The following KCNQ3 variants were observed in gnomAD, a reference collection of about 807,000 sequenced individuals.
KCNQ3 encodes potassium voltage-gated channel subfamily Q member 3.
KCNQ3 carries 30 observed loss-of-function variants against 92.5 expected under a neutral mutation model. The ratio of observed to expected loss-of-function variants is 0.32; its 90% CI spans 0.24 to 0.44. The LOEUF is 0.44. Among genes scored for constraint, KCNQ3 ranks in the 20% least tolerant of loss-of-function variants. KCNQ3 has a pLI of 1.00. For synonymous variants in KCNQ3, 450 were observed against 468.8 expected, an observed-to-expected ratio of 0.96 and a Z score of 0.52; for missense variants, 913 against 1,140.3, an observed-to-expected ratio of 0.80 and a Z score of 2.87.
chr8:132,246,649 C>T (rs747604676), intron 1 of KCNQ3, among the ~76,000 whole-genome samples: 4 of 152,112 alleles, frequency 2.6e-5, no homozygotes, highest in Non-Finnish European at 5.9e-5. Flanking sequence ...CATGGCACAC[C>T]GTTATATCAG....
chr8:132,355,177 C>A (rs1310090510), intron 1 of KCNQ3, among the ~76,000 whole-genome samples: 1 of 152,140 alleles, frequency 6.6e-6, no homozygotes, highest in Admixed American at 6.6e-5. Flanking sequence ...CTTTCCTTTA[C>A]CTTAATGCAG....
intron 1 of KCNQ3, among the ~76,000 whole-genome samples, chr8:132,476,084 G>A (rs1389460704): frequency 6.6e-6 from 1 of 152,244 alleles, no homozygotes; most frequent in Non-Finnish European, 1.5e-5. Context: ...AGCCTTGGTG[G>A]CTTCTGTGTG....
At chr8:132,219,855 GAAGT>G (rs1268538665) in intron 1 of KCNQ3, among the ~76,000 whole-genome samples, 3 of 151,952 alleles carry the variant, frequency 2.0e-5, no homozygotes, top group Non-Finnish European at 4.4e-5. Flanking sequence ...CTACTAAAGA[GAAGT>G]AAGAATCCAT....
chr8:132,452,028 G>A (rs1821831036), intron 1 of KCNQ3, among the ~76,000 whole-genome samples: 1 of 152,216 alleles, frequency 6.6e-6, no homozygotes, highest in Non-Finnish European at 1.5e-5. Flanking sequence ...GTGGTATGTG[G>A]TTTCTCACAC....
intron 1 of KCNQ3, among the ~76,000 whole-genome samples, chr8:132,360,748 C>T (rs1374077590): frequency 1.3e-5 from 2 of 152,226 alleles, no homozygotes; most frequent in African/African-American, 4.8e-5. Flanking sequence ...GTCCATACCT[C>T]CCTTGTGTAT....
At chr8:132,407,481 T>C (rs898351600) in intron 1 of KCNQ3, among the ~76,000 whole-genome samples, 19 of 152,228 alleles carry the variant, frequency 1.2e-4, no homozygotes, top group African/African-American at 4.6e-4. Flanking sequence ...TTCCTGCATC[T>C]AAGAACCGGG....
At chr8:132,344,532 T>C (rs1586943787) in intron 1 of KCNQ3, among the ~76,000 whole-genome samples, 1 of 152,328 alleles carries the variant, frequency 6.6e-6, no homozygotes, top group Admixed American at 6.5e-5. Context: ...TGAAGTTGTG[T>C]AATTATGATC....
At chr8:132,130,124 C>A (rs1824832893) in intron 14 of KCNQ3, 128 bp from the exon 15 acceptor site, 1 of 1,169,580 alleles carries the variant, frequency 8.6e-7, no homozygotes, top group Non-Finnish European at 1.2e-6. Flanking sequence ...AGTCTGTCAC[C>A]CAGGCTGGAG....
intron 1 of KCNQ3, among the ~76,000 whole-genome samples, chr8:132,297,057 T>G (rs1173054870): frequency 2.6e-5 from 4 of 152,124 alleles, no homozygotes; most frequent in African/African-American, 9.7e-5. Flanking sequence ...ATCTGTTGTT[T>G]CCTGACTTTT....
At chr8:132,242,769 G>T (rs1815037222) in intron 1 of KCNQ3, among the ~76,000 whole-genome samples, 1 of 152,064 alleles carries the variant, frequency 6.6e-6, no homozygotes, top group Non-Finnish European at 1.5e-5. Flanking sequence ...GAATCCCCAG[G>T]GCTTATCATG....
At chr8:132,221,779 G>A (rs1010971137) in intron 1 of KCNQ3, among the ~76,000 whole-genome samples, 3 of 152,088 alleles carry the variant, frequency 2.0e-5, no homozygotes, top group Non-Finnish European at 4.4e-5. Context: ...ACAACCATCC[G>A]ATCTTTGACA....
chr8:132,369,587 AC>A (rs1396666136), intron 1 of KCNQ3, among the ~76,000 whole-genome samples: 17 of 127,564 alleles, frequency 1.3e-4, no homozygotes, highest in African/African-American at 4.4e-4. Flanking sequence ...ACACACACAC[AC>A]ACACACACAC....
At chr8:132,286,038 C>T (rs2130541881) in intron 1 of KCNQ3, among the ~76,000 whole-genome samples, 1 of 152,296 alleles carries the variant, frequency 6.6e-6, no homozygotes, top group Non-Finnish European at 1.5e-5. Context: ...GGAAGCATGG[C>T]TTTCTCTACC....
rs571080811 is a variant in KCNQ3 at position 132,127,215 on chromosome 8, C to T, written c.*2047G>A. ...ATTGCCAGCATGTCAAATGGAAGCC[C>T]GTGGGGCTTCATGTCTGATGCATTG... On this transcript the variant is annotated 3_prime_UTR_variant, in exon 15 of 15. Transcript: ENST00000388996. 6.6e-6 allele frequency: 1 copy of T among 152,272 alleles called. No homozygotes were observed. Among genetic ancestry groups the T allele is most frequent in the African/African-American group, 2.4e-5 (1 of 41,544 alleles). 9.4% of individuals were successfully genotyped at this position (152,272 alleles called of 1,614,324 possible).
intron 1 of KCNQ3, among the ~76,000 whole-genome samples, chr8:132,262,265 T>C (rs1815812687): frequency 6.6e-6 from 1 of 152,198 alleles, no homozygotes. Flanking sequence ...GTATGGAGGT[T>C]CTTTTGGGGG....
At position 132,129,500 on chromosome 8, in the gene KCNQ3, G is replaced by A. The variant is rs267601778; in HGVS notation, c.2381C>T (p.Ser794Leu). 15 of 1,614,200 alleles carry A rather than the reference G, an allele frequency of 9.3e-6. No homozygotes were observed. Among genetic ancestry groups the A allele is most frequent in the Non-Finnish European group, 1.3e-5 (15 of 1,180,044 alleles). ...CCTCTCCAGCTCCTCGTGGTTGACCGACATCAGGGACAGAGGTGTGTCACT... is the reference window on the plus strand; with the variant it reads ...CCTCTCCAGCTCCTCGTGGTTGACCAACATCAGGGACAGAGGTGTGTCACT... ...RDSDTPLSLM[S>L]VNHEELERSP... The change falls in exon 15 of 15, where the codon TCG becomes TTG. Residue 794 changes from serine (S) to leucine (L), a missense_variant. Physicochemically the swap from Ser to Leu is moderately radical, Grantham distance 145. Around this residue, in one of 6 missense-constraint regions of KCNQ3, gnomAD observed 375 missense variants for 376.4 expected, o/e 1.00. Transcript: ENST00000388996. This position sits in a 1 kb window ranked among gnomAD's most constrained non-coding sequence, Gnocchi z 5.9.
At chr8:132,248,869 C>T (rs1815285939) in intron 1 of KCNQ3, among the ~76,000 whole-genome samples, 1 of 152,200 alleles carries the variant, frequency 6.6e-6, no homozygotes, top group African/African-American at 2.4e-5. Flanking sequence ...AGTGGAATGG[C>T]TTATGGCTAG....
intron 12 of KCNQ3, among the ~76,000 whole-genome samples, chr8:132,136,905 C>T (rs1825117247): frequency 7.2e-6 from 1 of 139,150 alleles, no homozygotes; most frequent in Non-Finnish European, 1.6e-5. Context: ...ACTCTGTCAC[C>T]CAGGCTGAAG....
At chr8:132,199,958 T>C (rs1184140131) in intron 1 of KCNQ3, among the ~76,000 whole-genome samples, 1 of 151,578 alleles carries the variant, frequency 6.6e-6, no homozygotes, top group Non-Finnish European at 1.5e-5. Flanking sequence ...CTAAAAATTC[T>C]AGTACATAGT....
Sources: gnomAD v4.1 joint callset for allele counts (sites outside exome capture counted in the v4.1 genomes callset) on GRCh38, gnomAD v4.1.1 for gene constraint, gnomAD v4.1.1 regional missense constraint, Gnocchi (gnomAD v3.1) non-coding constraint, MANE v1.5 for transcripts, NCBI Gene and HGNC (gene_info 2026-07-23, HGNC 2026-07-21) for gene names.